The following FAM151B variants were observed in gnomAD, a reference collection of about 807,000 sequenced individuals.
The protein encoded by FAM151B is family with sequence similarity 151 member B, also known as protein FAM151B.
A neutral mutation model predicts 31.2 loss-of-function variants in FAM151B; 24 were observed. The ratio of observed to expected loss-of-function variants is 0.77; its 90% CI spans 0.56 to 1.08. FAM151B has a LOEUF of 1.08. FAM151B is among the 50% of genes least tolerant of loss of function. The pLI, the probability that FAM151B is intolerant of heterozygous loss-of-function variation, is 0.00. For synonymous variants in FAM151B, 105 were observed against 111.4 expected, an observed-to-expected ratio of 0.94 and a Z score of 0.36; for missense variants, 293 against 328.6, an observed-to-expected ratio of 0.89 and a Z score of 0.84.
At chr5:80,529,199 G>A (rs1000513883) in intron 5 of FAM151B, among the ~76,000 whole-genome samples, 40 of 152,152 alleles carry the variant, frequency 2.6e-4, no homozygotes, top group Non-Finnish European at 7.3e-5. Flanking sequence ...CAAGAACAAA[G>A]ACACAACATA....
At chr5:80,539,880 C>G (rs955708835) in intron 5 of FAM151B, among the ~76,000 whole-genome samples, 2 of 151,968 alleles carry the variant, frequency 1.3e-5, no homozygotes, top group African/African-American at 4.8e-5. Flanking sequence ...GCAAAAACTA[C>G]CACATCTCCT....
chr5:80,530,991 A>C (rs550835478), intron 5 of FAM151B, among the ~76,000 whole-genome samples: 46 of 152,322 alleles, frequency 3.0e-4, no homozygotes, highest in African/African-American at 1.1e-3. Context: ...AAACTATACG[A>C]CAAGGCTGCA....
intron 3 of FAM151B, among the ~76,000 whole-genome samples, chr5:80,515,433 A>C (rs369209498): frequency 6.6e-6 from 1 of 152,162 alleles, no homozygotes; most frequent in Non-Finnish European, 1.5e-5. Flanking sequence ...AGTGTTCTCT[A>C]TATCATGAAA....
chr5:80,496,013 C>A lies in FAM151B; in HGVS notation c.26-5779C>A, dbSNP rs138775497. 2.1e-3 allele frequency among the ~76,000 whole-genome samples: 317 copies of A among 152,260 alleles called. 1 individual carries two copies. Among genetic ancestry groups the A allele is most frequent in the African/African-American group, 7.2e-3 (301 of 41,552 alleles). On this transcript the variant is annotated intron_variant, in intron 1 of 5. Coordinates refer to ENST00000282226, the MANE Select transcript of FAM151B (RefSeq NM_205548.3). ...ATGTAATCTACTTCTGGTGAAGATG[C>A]TGTGAACATTGTTGAAATGACCACA...
intron 5 of FAM151B, among the ~76,000 whole-genome samples, chr5:80,529,847 A>T (rs1745147138): frequency 7.7e-6 from 1 of 129,150 alleles, no homozygotes; most frequent in Non-Finnish European, 1.7e-5. Context: ...AAACTATTCC[A>T]ATCAATAGAA....
intron 5 of FAM151B, among the ~76,000 whole-genome samples, chr5:80,526,798 C>G (rs1347544558): frequency 1.3e-5 from 2 of 151,962 alleles, no homozygotes; most frequent in East Asian, 3.9e-4. Flanking sequence ...TGATTTGGCT[C>G]TCCAGCAGAC....
At chr5:80,506,768 C>T (rs1743979479) in intron 2 of FAM151B, among the ~76,000 whole-genome samples, 1 of 152,056 alleles carries the variant, frequency 6.6e-6, no homozygotes, top group African/African-American at 2.4e-5. Flanking sequence ...TCCCTAAAGG[C>T]TTTGACCTCT....
rs913885384 is a variant in FAM151B at position 80,501,560 on chromosome 5, G to C, written c.26-232G>C. 4.0e-5 allele frequency among the ~76,000 whole-genome samples: 6 copies of C among 151,020 alleles called. No homozygotes were observed. The Admixed American group carries it at 4.0e-4, about 10-fold the overall frequency. On this transcript the variant is annotated intron_variant, in intron 1 of 5. Coordinates refer to ENST00000282226, the MANE Select transcript of FAM151B (RefSeq NM_205548.3). ...AAATTGTACTGTATATAAGGGATTC[G>C]TGTTAAATGAGATTTTAGCTGTTCT... is the stretch of plus-strand genomic sequence containing the variant.
chr5:80,520,001 C>T, intron 4 of FAM151B, 91 bp downstream of exon 4: 5 of 1,217,672 alleles, frequency 4.1e-6, no homozygotes, highest in Non-Finnish European at 5.7e-6. Flanking sequence ...AAAACCCATT[C>T]TACAAAATCT....
intron 2 of FAM151B, among the ~76,000 whole-genome samples, chr5:80,509,450 C>T (rs1295596961): frequency 6.6e-6 from 1 of 152,126 alleles, no homozygotes; most frequent in East Asian, 1.9e-4. Context: ...CTTTAAGTAT[C>T]AGCACTTTGA....
chr5:80,501,796 T>G lies in FAM151B; in HGVS notation c.30T>G (p.Ser10=), dbSNP rs1447236230. 2 of 1,598,478 alleles carry G rather than the reference T, an allele frequency of 1.3e-6. No individual in the cohort carries two copies. The highest frequency in any genetic ancestry group is 1.7e-6 in the Non-Finnish European group (2 of 1,170,824). The change falls in exon 2 of 6, where the codon TCT becomes TCG. Residue 10 remains serine, a synonymous_variant. Coordinates refer to ENST00000282226, the MANE Select transcript of FAM151B (RefSeq NM_205548.3). The stretch of plus-strand genomic sequence containing the variant: ...ATGTAAACACTGTTATTTTAGGATC[T>G]TGGAGTGAAAATATACTGGAATATT... MAASAGGPG[S]WSENILEYFL...
intron 1 of FAM151B, 100 bp downstream of exon 1, chr5:80,488,248 A>G (rs950336780): frequency 5.7e-6 from 8 of 1,411,956 alleles, no homozygotes; most frequent in African/African-American, 1.5e-5. Context: ...CTTCCTTGCT[A>G]GGGACCTGGG....
chr5:80,506,543 A>G (rs973297035), intron 2 of FAM151B, among the ~76,000 whole-genome samples: 6 of 152,188 alleles, frequency 3.9e-5, no homozygotes, highest in Admixed American at 6.5e-5. Context: ...CAGTAGATCT[A>G]TGAGTCCATC....
At chr5:80,503,474 C>A (rs148008061) in intron 2 of FAM151B, among the ~76,000 whole-genome samples, 1 of 151,930 alleles carries the variant, frequency 6.6e-6, no homozygotes, top group Non-Finnish European at 1.5e-5. Flanking sequence ...GAAGCTGAGT[C>A]AGGAGGATCG....
intron 4 of FAM151B, among the ~76,000 whole-genome samples, chr5:80,520,700 A>G (rs1561372771): frequency 8.4e-6 from 1 of 119,326 alleles, no homozygotes; most frequent in Non-Finnish European, 1.7e-5. Context: ...ATATATATAT[A>G]TTTATTTATT....
At chr5:80,534,857 A>G (rs1745420171) in intron 5 of FAM151B, among the ~76,000 whole-genome samples, 1 of 152,160 alleles carries the variant, frequency 6.6e-6, no homozygotes, top group South Asian at 2.1e-4. Context: ...ATTTGGAAAA[A>G]CCTAAAGACT....
At chr5:80,508,677 A>G (rs1195623033) in intron 2 of FAM151B, among the ~76,000 whole-genome samples, 3 of 152,140 alleles carry the variant, frequency 2.0e-5, no homozygotes, top group Non-Finnish European at 2.9e-5. Context: ...GTGTCCAAGT[A>G]GTTATATCTC....
intron 2 of FAM151B, among the ~76,000 whole-genome samples, chr5:80,504,073 T>A (rs1009122547): frequency 7.9e-5 from 12 of 152,204 alleles, no homozygotes; most frequent in Non-Finnish European, 1.6e-4. Context: ...TGCTTATTGA[T>A]GTTTCCACTT....
Position 80,504,765 on chromosome 5 carries a change from T to G in FAM151B, c.151+2848T>G, listed in dbSNP as rs59942040. On this transcript the variant is annotated intron_variant, in intron 2 of 5. Transcript: ENST00000282226. ...CATCTCCTGATCTCCTGATCTGCCC[T>G]CCTTGGCCTCCCAAAGTGCTGGGAT... is the stretch of plus-strand genomic sequence containing the variant. Among the ~76,000 whole-genome samples, 900 of 152,202 alleles carry G rather than the reference T, an allele frequency of 5.9e-3. 9 individuals are homozygous for G. Among genetic ancestry groups the G allele is most frequent in the African/African-American group, 0.02 (835 of 41,526 alleles).
Sources: allele counts gnomAD v4.1 joint callset (sites outside exome capture counted in the v4.1 genomes callset), GRCh38; gene constraint gnomAD v4.1.1; transcripts MANE v1.5; gene names NCBI Gene and HGNC (gene_info 2026-07-23, HGNC 2026-07-21).